Variants in MYH7B observed in about 807,000 individuals in gnomAD.
MYH7B encodes myosin-7B.
Under a neutral mutation model 234.5 loss-of-function variants are expected in MYH7B, and 205 were observed. That is an observed-to-expected ratio of 0.87 (90% confidence interval 0.78 to 0.98). The LOEUF is 0.98. Among genes scored for constraint, MYH7B ranks in the 50% least tolerant of loss-of-function variants. MYH7B has a pLI of 0.00. For missense variants in MYH7B, 2,652 were observed against 2,633.4 expected (o/e 1.01, Z -0.15); for synonymous variants, 1,193 against 1,105.0 (o/e 1.08, Z -1.58).
intron 1 of MYH7B, among the ~76,000 whole-genome samples, chr20:34,956,547 A>AATGT (rs2081636786): frequency 6.6e-6 from 1 of 150,812 alleles, no homozygotes; most frequent in Non-Finnish European, 1.5e-5. Flanking sequence ...AGTTAAATGG[A>AATGT]ATGTATCAGT....
At chr20:35,002,379 G>T in exon 45 of MYH7B, 1 of 516,632 alleles carries the variant, frequency 1.9e-6, no homozygotes. Context: ...CACAGTCCTA[G>T]GGACAAAAGC....
At chr20:34,983,293 CTTTTCTTTTTTTTT>C (rs1283925465) in intron 10 of MYH7B, among the ~76,000 whole-genome samples, 1 of 100,364 alleles carries the variant, frequency 1.0e-5, no homozygotes, top group Non-Finnish European at 1.9e-5. Flanking sequence ...CTTTTCTTTT[CTTTTCTTTTTTTTT>C]TTTTTTTTTT....
Position 34,998,761 on chromosome 20 carries a change from G to C in MYH7B, c.4036G>C (p.Asp1346His). 2 of 1,612,800 alleles carry C rather than the reference G, an allele frequency of 1.2e-6. No homozygotes were observed. The highest frequency in any genetic ancestry group is 1.7e-6 in the Non-Finnish European group (2 of 1,179,892). The change falls in exon 35 of 45, where the codon GAC (aspartate) becomes CAC (histidine). Residue 1346 changes from aspartate (D) to histidine (H), a missense_variant. Asp to His is a moderately conservative substitution (Grantham distance 81, BLOSUM62 -1). Coordinates refer to ENST00000262873, the Ensembl canonical transcript of MYH7B. The stretch of plus-strand genomic sequence containing the variant: ...CCACGCCGTGCAGGCTCTGCGGCAC[G>C]ACTGTGACCTCCTGCGGGAGCAACA...
exon 37 of MYH7B, chr20:34,999,627 C>T (rs1245039241): frequency 1.2e-6 from 2 of 1,613,630 alleles, no homozygotes; most frequent in Non-Finnish European, 1.7e-6. Context: ...CATCCAGGAA[C>T]TGGAGAAAAC....
intron 2 of MYH7B, among the ~76,000 whole-genome samples, chr20:34,970,198 C>T (rs1331319296): frequency 1.4e-4 from 22 of 152,148 alleles, no homozygotes; most frequent in Admixed American, 1.2e-3. Flanking sequence ...AAGCCATGTA[C>T]GGTGAACACT....
intron 13 of MYH7B, among the ~76,000 whole-genome samples, chr20:34,985,337 G>A (rs375980119): frequency 1.3e-5 from 2 of 152,118 alleles, no homozygotes; most frequent in South Asian, 4.2e-4. Context: ...TCCTCTACGC[G>A]GCCATAGTTT....
rs760247415 is a variant in MYH7B at position 34,999,719 on chromosome 20, G to A, written c.4665+24G>A. Reference sequence around the variant, plus strand: ...AGGTCAGGGGCTGGCTGCAGGGGTGGGTGGACACTGACCTGCTGCTCCACT... The same window carrying A: ...AGGTCAGGGGCTGGCTGCAGGGGTGAGTGGACACTGACCTGCTGCTCCACT... On this transcript the variant is annotated intron_variant, in intron 37 of 44. Transcript: ENST00000262873. 4.3e-6 allele frequency: 7 copies of A among 1,611,756 alleles called. No homozygotes were observed. In the South Asian group the frequency reaches 7.7e-5, roughly 18 times the overall value.
rs1447776339 is a variant in MYH7B, at chr20:34,986,164, C to G, written c.870C>G (p.Tyr290Ter). ...GTGAGCGCAGCTACCATGTCTACTA[C>G]CAGATCCTCTCAGGGAGGAAGCCAG... Residue 290 changes from tyrosine (Y) to a stop codon, truncating the protein, a stop_gained, in exon 14 of 45, where the codon TAC becomes TAG. Coordinates refer to ENST00000262873, the Ensembl canonical transcript of MYH7B. LOFTEE classifies it high-confidence loss of function. The G allele has an allele frequency of 6.3e-7, 1 of 1,599,518 alleles. No individual in the cohort carries two copies. Among genetic ancestry groups the G allele is most frequent in the Non-Finnish European group, 8.5e-7 (1 of 1,172,198 alleles).
At chr20:34,978,139 C>G (rs906938041) in intron 5 of MYH7B, 43 bp downstream of exon 5, 17 of 1,608,250 alleles carry the variant, frequency 1.1e-5, no homozygotes, top group Non-Finnish European at 1.4e-5. Context: ...CACAGAGATG[C>G]CCTTATGGAC....
At chr20:34,997,612 C>G (rs994345334) in exon 32 of MYH7B, 1 of 1,613,596 alleles carries the variant, frequency 6.2e-7, no homozygotes, top group Non-Finnish European at 8.5e-7. Context: ...GACCTGGCTG[C>G]CAACGTGGAG....
chr20:34,989,368 G>A (rs893155901), intron 19 of MYH7B, among the ~76,000 whole-genome samples: 2 of 152,220 alleles, frequency 1.3e-5, no homozygotes, highest in Non-Finnish European at 2.9e-5. Context: ...CCCACAGCTA[G>A]TGAGTGAGGA....
At chr20:34,993,012 C>A in intron 24 of MYH7B, 90 bp from the exon 25 acceptor site, 1 of 1,495,942 alleles carries the variant, frequency 6.7e-7, no homozygotes, top group Non-Finnish European at 9.1e-7. Context: ...GCTACCCACA[C>A]GAGCCTCCTC....
rs1366361652 is a variant in MYH7B, at chr20:34,987,685, C to A, written c.1266+10C>A. On this transcript the variant is annotated intron_variant, in intron 17 of 44. Coordinates refer to ENST00000262873, the Ensembl canonical transcript of MYH7B. ...CCAGAGTGTGGAGCAGGTGAGCTGCCTGCAGGCCAAACCCATGGGGGACAG... is the reference window on the plus strand; with the variant it reads ...CCAGAGTGTGGAGCAGGTGAGCTGCATGCAGGCCAAACCCATGGGGGACAG... 1.2e-6 allele frequency: 2 copies of A among 1,612,158 alleles called. No homozygotes were observed. The highest frequency in any genetic ancestry group is 3.3e-5 in the Admixed American group (2 of 59,918).
At chr20:34,999,750 T>TTCCCCCCCCCCC in intron 37 of MYH7B, 41 bp from the exon 38 acceptor site, 1 of 1,320,532 alleles carries the variant, frequency 7.6e-7, no homozygotes, top group Non-Finnish European at 1.0e-6. Context: ...CCACTGGCCA[T>TTCCCCCCCCCCC]CCCCCCCCCC....
In MYH7B at chr20:34,991,125, G is replaced by A. The variant is rs982857629; in HGVS notation, c.2183+4G>A. The A allele has an allele frequency of 6.3e-7, 1 of 1,595,842 alleles. No individual in the cohort carries two copies. The highest frequency in any genetic ancestry group is 8.6e-7 in the Non-Finnish European group (1 of 1,168,006). On this transcript the variant is annotated splice_donor_region_variant and intron_variant, in intron 24 of 44. Coordinates refer to ENST00000262873, the Ensembl canonical transcript of MYH7B. Reference sequence around the variant, plus strand: ...TCTACACCGACTTCCGGCAGCGGTGGGTGACCCCTTCCCCCTGCCTGCTGC... The same window carrying A: ...TCTACACCGACTTCCGGCAGCGGTGAGTGACCCCTTCCCCCTGCCTGCTGC...
At chr20:34,957,942 C>T (rs3761143) in intron 1 of MYH7B, among the ~76,000 whole-genome samples, 156 bp from the exon 2 acceptor site, 96,062 of 152,148 alleles carry the variant, frequency 0.63, 31,424 homozygotes, top group African/African-American at 0.79. Context: ...GTCCTTTCCT[C>T]GTTGGCTTTT....
intron 9 of MYH7B, chr20:34,981,390 C>T (rs956172078): frequency 3.1e-6 from 1 of 322,608 alleles, no homozygotes; most frequent in African/African-American, 2.2e-5. Context: ...AAAGATTCCT[C>T]TGCTTTTCCT....
At chr20:34,959,905 C>T (rs1336033636) in intron 2 of MYH7B, among the ~76,000 whole-genome samples, 4 of 152,196 alleles carry the variant, frequency 2.6e-5, no homozygotes, top group Non-Finnish European at 5.9e-5. Context: ...ACCTCCCTAT[C>T]ACATCAGTAT....
chr20:34,992,051 AG>A (rs570938185), intron 24 of MYH7B, among the ~76,000 whole-genome samples: 3 of 152,184 alleles, frequency 2.0e-5, no homozygotes, highest in Non-Finnish European at 4.4e-5. Flanking sequence ...TCCACTTAGA[AG>A]TGGGCAGGCT....
Sources: allele counts gnomAD v4.1 joint callset (sites outside exome capture counted in the v4.1 genomes callset), GRCh38; gene constraint gnomAD v4.1.1; transcripts MANE v1.5; gene names NCBI Gene and HGNC (gene_info 2026-07-23, HGNC 2026-07-21).